The following SNX10 variants were observed in gnomAD, a reference collection of about 807,000 sequenced individuals.
SNX10 encodes the protein sorting nexin-10.
Under a neutral mutation model 28.5 loss-of-function variants are expected in SNX10, and 25 were observed. That is an observed-to-expected ratio of 0.88 (90% CI 0.64 to 1.22). The LOEUF (loss-of-function observed/expected upper bound fraction) is 1.22, where lower values mean the gene tolerates loss of function less well. Among genes scored for constraint, SNX10 ranks in the 50% most tolerant of loss-of-function variants. The pLI is 0.00. For missense variants in SNX10, 223 were observed against 242.6 expected (o/e 0.92, Z 0.54); for synonymous variants, 62 against 81.4 (o/e 0.76, Z 1.28).
intron 5 of SNX10, 36 bp downstream of exon 5, chr7:26,365,181 G>T (rs745395602): frequency 2.5e-6 from 3 of 1,189,830 alleles, no homozygotes; most frequent in East Asian, 4.7e-5. Context: ...CAGACAAGGG[G>T]TGTGAGCAAG....
At chr7:26,305,808 A>G (rs1052181067) in intron 1 of SNX10, among the ~76,000 whole-genome samples, 1 of 152,250 alleles carries the variant, frequency 6.6e-6, no homozygotes, top group African/African-American at 2.4e-5. Context: ...CACATGTCAA[A>G]TGCCCTTGGA....
intron 2 of SNX10, among the ~76,000 whole-genome samples, chr7:26,353,217 T>A (rs1788675981): frequency 1.3e-5 from 2 of 152,200 alleles, no homozygotes; most frequent in African/African-American, 4.8e-5. Flanking sequence ...ACATACTCCA[T>A]GCTGTAGAGT....
At chr7:26,321,964 T>C (rs1417735351) in intron 1 of SNX10, among the ~76,000 whole-genome samples, 1 of 152,194 alleles carries the variant, frequency 6.6e-6, no homozygotes. Context: ...AGCTTACCTT[T>C]GTCAGCTGCA....
chr7:26,307,894 T>C (rs921640306), intron 1 of SNX10, among the ~76,000 whole-genome samples: 5 of 152,172 alleles, frequency 3.3e-5, no homozygotes, highest in Admixed American at 2.0e-4. Context: ...AGTCTTTTGA[T>C]GAAGCTCATG....
intron 1 of SNX10, among the ~76,000 whole-genome samples, chr7:26,324,278 C>T (rs970121219): frequency 2.8e-4 from 43 of 151,366 alleles, no homozygotes; most frequent in Admixed American, 2.8e-3. Flanking sequence ...AGAAAAAAAC[C>T]GTAAGGAAGT....
chr7:26,340,550 C>A (rs745941569), intron 1 of SNX10, among the ~76,000 whole-genome samples: 2 of 152,166 alleles, frequency 1.3e-5, no homozygotes, highest in Non-Finnish European at 2.9e-5. Flanking sequence ...GCTTTCTCCT[C>A]GAGTTTTCGG....
At chr7:26,329,274 C>T (rs367609912) in intron 1 of SNX10, among the ~76,000 whole-genome samples, 2 of 152,200 alleles carry the variant, frequency 1.3e-5, no homozygotes, top group Non-Finnish European at 2.9e-5. Flanking sequence ...CAGGCTCTTT[C>T]GGCCTTGGCT....
At chr7:26,314,922 C>G (rs60423963) in intron 1 of SNX10, among the ~76,000 whole-genome samples, 1 of 151,850 alleles carries the variant, frequency 6.6e-6, no homozygotes, top group African/African-American at 2.4e-5. Context: ...CACTTGAACC[C>G]GAAAGGCAGA....
intron 1 of SNX10, among the ~76,000 whole-genome samples, chr7:26,316,444 G>A (rs1254983796): frequency 6.6e-6 from 1 of 152,170 alleles, no homozygotes; most frequent in African/African-American, 2.4e-5. Context: ...GAAAGCACCT[G>A]TTCCTTAACT....
At chr7:26,360,710 T>C (rs1271849980) in intron 2 of SNX10, 1 of 605,558 alleles carries the variant, frequency 1.7e-6, no homozygotes, top group South Asian at 3.4e-5. Context: ...ATACTTTGTC[T>C]TCAGATAACC....
At chr7:26,358,654 A>C (rs998432805) in intron 2 of SNX10, among the ~76,000 whole-genome samples, 9 of 152,034 alleles carry the variant, frequency 5.9e-5, no homozygotes, top group Non-Finnish European at 1.2e-4. Flanking sequence ...CTAAGGTAGG[A>C]GGATCATTTT....
intron 1 of SNX10, among the ~76,000 whole-genome samples, chr7:26,298,908 G>A (rs1176094848): frequency 6.6e-6 from 1 of 152,156 alleles, no homozygotes; most frequent in African/African-American, 2.4e-5. Flanking sequence ...GTCCCATCAC[G>A]AGGGCCCCAC....
At chr7:26,307,734 A>C (rs1286517230) in intron 1 of SNX10, among the ~76,000 whole-genome samples, 4 of 152,026 alleles carry the variant, frequency 2.6e-5, no homozygotes, top group Non-Finnish European at 5.9e-5. Context: ...ATTCACAGCA[A>C]AAATGAAAGT....
chr7:26,372,376 CTG>C, intron 6 of SNX10, 113 bp from the exon 7 acceptor site: 1 of 723,602 alleles, frequency 1.4e-6, no homozygotes, highest in Non-Finnish European at 2.4e-6. Flanking sequence ...TCCAAATTTC[CTG>C]TCTCTCTTTG....
At chr7:26,357,074 A>G in intron 2 of SNX10, 1 of 1,226,736 alleles carries the variant, frequency 8.2e-7, no homozygotes, top group Non-Finnish European at 1.1e-6. Flanking sequence ...AAGTCTTACA[A>G]GACAGCCTAA....
intron 1 of SNX10, among the ~76,000 whole-genome samples, chr7:26,326,700 T>C (rs1456609691): frequency 6.6e-6 from 1 of 152,108 alleles, no homozygotes; most frequent in Non-Finnish European, 1.5e-5. Context: ...TACCTATCAT[T>C]TTTGTTTTTG....
At chr7:26,343,082 G>A (rs1341439747) in intron 1 of SNX10, among the ~76,000 whole-genome samples, 1 of 152,178 alleles carries the variant, frequency 6.6e-6, no homozygotes, top group Admixed American at 6.5e-5. Flanking sequence ...GAGATTACAG[G>A]TGTGAGCCCC....
chr7:26,364,378 A>C lies in SNX10; in HGVS notation c.112-157A>C, dbSNP rs879453137. 6 of 1,377,074 alleles carry C rather than the reference A, an allele frequency of 4.4e-6. No individual in the cohort carries two copies. Among genetic ancestry groups the C allele is most frequent in the African/African-American group, 2.9e-5 (2 of 68,574 alleles). 85.3% of individuals were successfully genotyped at this position (1,377,074 alleles called of 1,614,324 possible). On this transcript the variant is annotated intron_variant, in intron 3 of 6. Transcript: ENST00000338523. This position sits in a 1 kb window ranked among gnomAD's most constrained non-coding sequence, Gnocchi z 4.9. ...TTCAGGGCTGTTATGTTCCTGGGTTATGTGCAAGATTTCAGAGTACTGGCA... is the reference window on the plus strand; with the variant it reads ...TTCAGGGCTGTTATGTTCCTGGGTTCTGTGCAAGATTTCAGAGTACTGGCA...
At chr7:26,321,129 C>CA (rs1787291989) in intron 1 of SNX10, among the ~76,000 whole-genome samples, 1 of 152,204 alleles carries the variant, frequency 6.6e-6, no homozygotes, top group African/African-American at 2.4e-5. Flanking sequence ...AAAGTGTGAA[C>CA]ATTGGCCTGT....
Sources: allele counts gnomAD v4.1 joint callset (sites outside exome capture counted in the v4.1 genomes callset), GRCh38; gene constraint gnomAD v4.1.1; non-coding constraint Gnocchi (gnomAD v3.1); transcripts MANE v1.5; gene names NCBI Gene and HGNC (gene_info 2026-07-23, HGNC 2026-07-21).